The following ZFP69B variants were observed in gnomAD, a reference collection of about 807,000 sequenced individuals.
ZFP69B encodes ZFP69 zinc finger protein B.
A neutral mutation model predicts 19.7 loss-of-function variants in ZFP69B; 20 were observed. The observed-to-expected ratio is 1.02, with a 90% CI of 0.71 to 1.48. The LOEUF is 1.48. Among genes scored for constraint, ZFP69B ranks in the 40% most tolerant of loss-of-function variants. The pLI is 0.00. For missense variants in ZFP69B, 583 were observed against 632.6 expected (o/e 0.92, Z 0.84); for synonymous variants, 220 against 222.7 (o/e 0.99, Z 0.11).
chr1:40,456,887 C>T, intron 2 of ZFP69B, 58 bp from the exon 3 acceptor site: 1 of 1,566,580 alleles, frequency 6.4e-7, no homozygotes, highest in Non-Finnish European at 8.7e-7. Flanking sequence ...AGCATCTAGA[C>T]AAAAGTCAGA....
chr1:40,458,008 C>T (rs913374484), intron 4 of ZFP69B, among the ~76,000 whole-genome samples: 2 of 152,188 alleles, frequency 1.3e-5, no homozygotes, highest in East Asian at 3.8e-4. Flanking sequence ...TAACAGTCTT[C>T]TTTAACATTT....
At chr1:40,455,809 G>A (rs964156897) in intron 2 of ZFP69B, among the ~76,000 whole-genome samples, 10 of 151,948 alleles carry the variant, frequency 6.6e-5, no homozygotes, top group Admixed American at 3.9e-4. Context: ...CCCTGTGTCC[G>A]TGTGATCTCA....
At chr1:40,450,414 C>G (rs1277198356), upstream of ZFP69B, among the ~76,000 whole-genome samples, 2 of 152,188 alleles carry the variant, frequency 1.3e-5, no homozygotes, top group East Asian at 3.9e-4. Flanking sequence ...AGTGAAAGAG[C>G]TGGGATTCCA....
At chr1:40,452,720 T>C (rs1235958195) in intron 1 of ZFP69B, among the ~76,000 whole-genome samples, 2 of 152,334 alleles carry the variant, frequency 1.3e-5, no homozygotes, top group African/African-American at 2.4e-5. Flanking sequence ...TATGGAATTA[T>C]TGTTAATTTT....
At chr1:40,450,312 C>T (rs1645172461), upstream of ZFP69B, 1 of 152,182 alleles carries the variant, frequency 6.6e-6, no homozygotes. Context: ...AGGCTAGGGC[C>T]GGGGGCGTTT....
chr1:40,456,928 C>A lies in ZFP69B; in HGVS notation c.214-17C>A, dbSNP rs1227228006. On this transcript the variant is annotated splice_polypyrimidine_tract_variant and intron_variant, in intron 2 of 4. Coordinates refer to ENST00000361584, the MANE Select transcript of ZFP69B (RefSeq NM_023070.3). ...TTCCCAAAGTCTGGCTGAAAAGGAA[C>A]GTATTTGATGTTCTAGGAACTGTTA... 3.1e-6 allele frequency: 5 copies of A among 1,607,186 alleles called. 1 individual carries two copies. The Admixed American group carries it at 5.1e-5, about 17-fold the overall frequency.
In ZFP69B at chr1:40,462,691, C is replaced by T; in HGVS notation, c.707C>T (p.Ser236Leu). Residue 236 changes from serine (S) to leucine (L), a missense_variant, in exon 5 of 5, where the codon TCA becomes TTA. Ser to Leu is a moderately radical substitution (Grantham distance 145). Coordinates refer to ENST00000361584, the MANE Select transcript of ZFP69B (RefSeq NM_023070.3). ...NRFEKRINVK[S>L]EVMPGPIGLP... ...TTTGAGAAAAGAATTAATGTGAAGT[C>T]AGAAGTTATGCCAGGACCAATAGGT... 4 of 1,614,048 alleles carry T rather than the reference C, an allele frequency of 2.5e-6. No individual in the cohort carries two copies. Among genetic ancestry groups the T allele is most frequent in the Non-Finnish European group, 3.4e-6 (4 of 1,180,018 alleles).
chr1:40,463,238 C>G lies in ZFP69B; in HGVS notation c.1254C>G (p.Pro418=), dbSNP rs1159750008. ...QHEIIHTGVK[P]YICNVCSKTF... ...AGATTATTCATACTGGTGTGAAACC[C>G]TATATTTGTAATGTATGTAGTAAAA... The change falls in exon 5 of 5, where the codon CCC becomes CCG. Residue 418 remains proline (P), a synonymous_variant. Coordinates refer to ENST00000361584, the MANE Select transcript of ZFP69B (RefSeq NM_023070.3). The G allele has an allele frequency of 1.2e-6, 2 of 1,613,996 alleles. No homozygotes were observed. Among genetic ancestry groups the G allele is most frequent in the East Asian group, 2.2e-5 (1 of 44,890 alleles).
chr1:40,454,483 C>T (rs769777565), intron 2 of ZFP69B, among the ~76,000 whole-genome samples, 195 bp downstream of exon 2: 4 of 152,108 alleles, frequency 2.6e-5, no homozygotes, highest in South Asian at 2.1e-4. Flanking sequence ...ACTGCAAGCT[C>T]CGTCTCCTGG....
chr1:40,456,760 G>C (rs891892407), intron 2 of ZFP69B, among the ~76,000 whole-genome samples, 185 bp from the exon 3 acceptor site: 1 of 152,122 alleles, frequency 6.6e-6, no homozygotes, highest in Admixed American at 6.6e-5. Flanking sequence ...AGTTGCAGAG[G>C]TAACTTACAT....
chr1:40,450,994 C>G lies in ZFP69B; in HGVS notation c.33C>G (p.Thr11=). The G allele has an allele frequency of 3.9e-6, 6 of 1,551,286 alleles. No homozygotes were observed. Among genetic ancestry groups the G allele is most frequent in the East Asian group, 4.9e-5 (2 of 40,798 alleles). MLQQLLITLP[T]EASTWVKLRH... ...AGCAGCTCCTGATCACCCTGCCCAC[C>G]GAGGCCAGCACCTGGGTGAAGTTGC... is the stretch of plus-strand genomic sequence containing the variant. Residue 11 remains threonine, a synonymous_variant, in exon 1 of 5, where the codon ACC becomes ACG. Transcript: ENST00000361584.
chr1:40,460,542 C>T (rs966782020), intron 4 of ZFP69B, among the ~76,000 whole-genome samples: 4 of 152,110 alleles, frequency 2.6e-5, no homozygotes, highest in Admixed American at 6.6e-5. Context: ...TAAAAAGAGG[C>T]CCTTAAAGAT....
At position 40,463,417 on chromosome 1, in the gene ZFP69B, G is replaced by T. The variant is rs146355685; in HGVS notation, c.1433G>T (p.Ser478Ile). ...ACTGGAGTAAAACCTTATGAATGCA[G>T]TCATTGTGGGAAAGCCTTTAGGCAT... ...VHTGVKPYEC[S>I]HCGKAFRHDS... Residue 478 changes from serine to isoleucine, a missense_variant, in exon 5 of 5, where the codon AGT becomes ATT. Physicochemically the swap from Ser to Ile is moderately radical, Grantham distance 142. Transcript: ENST00000361584. The T allele has an allele frequency of 6.2e-7, 1 of 1,613,894 alleles. No individual in the cohort carries two copies. The highest frequency in any genetic ancestry group is 1.3e-5 in the African/African-American group (1 of 74,986).
chr1:40,460,904 C>A (rs922936419), intron 4 of ZFP69B, among the ~76,000 whole-genome samples: 12 of 150,888 alleles, frequency 8.0e-5, no homozygotes, highest in Admixed American at 7.9e-4. Flanking sequence ...TCATGTGAAC[C>A]CAGGAGGTGG....
At chr1:40,454,114 G>A in intron 1 of ZFP69B, 89 bp from the exon 2 acceptor site, 1 of 983,202 alleles carries the variant, frequency 1.0e-6, no homozygotes, top group Admixed American at 2.8e-5. Flanking sequence ...CGTTTTTGGG[G>A]AGAAGCCACA....
At position 40,457,324 on chromosome 1, in the gene ZFP69B, C is replaced by A; in HGVS notation, c.341-20C>A. The A allele has an allele frequency of 1.2e-6, 2 of 1,612,480 alleles. No individual in the cohort carries two copies. Among genetic ancestry groups the A allele is most frequent in the Non-Finnish European group, 1.7e-6 (2 of 1,178,594 alleles). The stretch of plus-strand genomic sequence containing the variant: ...GCTCTGTGACCTCAGCATATACAGT[C>A]TTTTCTTCCCCATAAGCAGGATGTC... On this transcript the variant is annotated intron_variant, in intron 3 of 4. Coordinates refer to ENST00000361584, the MANE Select transcript of ZFP69B (RefSeq NM_023070.3).
chr1:40,461,601 C>T (rs1470053745), intron 4 of ZFP69B, among the ~76,000 whole-genome samples: 1 of 152,070 alleles, frequency 6.6e-6, no homozygotes, highest in Middle Eastern at 3.4e-3. Flanking sequence ...TTGAGACCAG[C>T]CTGGGCAACA....
At chr1:40,453,024 G>T (rs1054222022) in intron 1 of ZFP69B, among the ~76,000 whole-genome samples, 1 of 141,500 alleles carries the variant, frequency 7.1e-6, no homozygotes, top group African/African-American at 2.7e-5. Context: ...TCAATGGCTC[G>T]ATCTTGGCTT....
At position 40,463,130 on chromosome 1, in the gene ZFP69B, G is replaced by A. The variant is rs908407146; in HGVS notation, c.1146G>A (p.Leu382=). The A allele has an allele frequency of 6.2e-7, 1 of 1,614,170 alleles. No individual in the cohort carries two copies. The change falls in exon 5 of 5, where the codon TTG becomes TTA. Residue 382 remains leucine (L), a synonymous_variant. Coordinates refer to ENST00000361584, the MANE Select transcript of ZFP69B (RefSeq NM_023070.3). ...AGAGCATTGGACTGATCCAGCATTT[G>A]AGAACTCATGTTAGAGAGAAACCTT... The part of the protein sequence containing the change: ...FSQSIGLIQH[L]RTHVREKPFT...
Sources: allele counts gnomAD v4.1 joint callset (sites outside exome capture counted in the v4.1 genomes callset), GRCh38; gene constraint gnomAD v4.1.1; transcripts MANE v1.5; gene names NCBI Gene and HGNC (gene_info 2026-07-23, HGNC 2026-07-21).